The following LINGO2 variants were observed in gnomAD, a reference collection of about 807,000 sequenced individuals.
The protein encoded by LINGO2 is leucine rich repeat and Ig domain containing 2.
A neutral mutation model predicts 30.6 loss-of-function variants in LINGO2; 14 were observed. That is an observed-to-expected ratio of 0.46 (90% confidence interval 0.30 to 0.72). The LOEUF (loss-of-function observed/expected upper bound fraction) is 0.72, where lower values mean the gene tolerates loss of function less well. LINGO2 is among the 30% of genes least tolerant of loss of function. The pLI is 0.07. For missense variants in LINGO2, 729 were observed against 751.7 expected (o/e 0.97, Z 0.35); for synonymous variants, 317 against 288.5 (o/e 1.10, Z -1.00).
chr9:28,935,684 T>C, the LINGO2 span, among the ~76,000 whole-genome samples: 8 of 125,990 alleles, frequency 6.3e-5, no homozygotes, highest in African/African-American at 2.3e-4. Context: ...ATAAGAGGAT[T>C]AAATATAATG....
chr9:28,877,561 T>C, the LINGO2 span, among the ~76,000 whole-genome samples: 2 of 152,064 alleles, frequency 1.3e-5, no homozygotes, highest in Non-Finnish European at 2.9e-5. Flanking sequence ...CAGATAGTTG[T>C]AGATATGCAG....
At chr9:29,122,929 A>C in the LINGO2 span, among the ~76,000 whole-genome samples, 1 of 152,278 alleles carries the variant, frequency 6.6e-6, no homozygotes, top group Non-Finnish European at 1.5e-5. Context: ...TCAAACTTAA[A>C]GATACATACA....
rs913129591 is a variant in LINGO2, at chr9:28,038,494, C to T, written c.-86-26089G>A. ...GGATCACGAGGTCAGGAGATCGAGA[C>T]CATCCCGGCTAAAACGGTGAAACCC... On this transcript the variant is annotated intron_variant, in intron 4 of 5. Transcript: ENST00000379992. Among the ~76,000 whole-genome samples the T allele has an allele frequency of 3.9e-5, 6 of 152,014 alleles. No individual in the cohort carries two copies. In the East Asian group the frequency reaches 7.7e-4, roughly 20 times the overall value.
chr9:28,301,520 G>C (rs930096006), intron 3 of LINGO2, among the ~76,000 whole-genome samples: 2 of 152,174 alleles, frequency 1.3e-5, no homozygotes, highest in African/African-American at 4.8e-5. Context: ...ACCATGTCTA[G>C]AGTGAGACTG....
chr9:29,021,045 A>G, the LINGO2 span, among the ~76,000 whole-genome samples: 1 of 152,194 alleles, frequency 6.6e-6, no homozygotes, highest in East Asian at 1.9e-4. Flanking sequence ...TACCTTAGCT[A>G]TGTACATTGA....
intron 5 of LINGO2, among the ~76,000 whole-genome samples, chr9:27,997,832 A>C (rs1821744315): frequency 6.6e-6 from 1 of 152,116 alleles, no homozygotes; most frequent in Non-Finnish European, 1.5e-5. Flanking sequence ...TCCAGCCACC[A>C]AGCAAATTAT....
chr9:28,469,347 G>A (rs2135161100), intron 2 of LINGO2, among the ~76,000 whole-genome samples: 1 of 151,860 alleles, frequency 6.6e-6, no homozygotes, highest in South Asian at 2.1e-4. Flanking sequence ...ACAGACTGCT[G>A]TACACATTAT....
chr9:29,085,470 A>G, the LINGO2 span, among the ~76,000 whole-genome samples: 1 of 152,016 alleles, frequency 6.6e-6, no homozygotes, highest in Non-Finnish European at 1.5e-5. Context: ...AATCCTATGA[A>G]ATAGTTATCA....
the LINGO2 span, among the ~76,000 whole-genome samples, chr9:28,901,947 T>G: frequency 6.6e-6 from 1 of 152,154 alleles, no homozygotes; most frequent in African/African-American, 2.4e-5. Flanking sequence ...TCCAGTATTT[T>G]GGGAGGCCAA....
chr9:28,771,179 G>A, the LINGO2 span, among the ~76,000 whole-genome samples: 9 of 151,922 alleles, frequency 5.9e-5, no homozygotes, highest in East Asian at 1.9e-4. Flanking sequence ...TAGGTCAGTC[G>A]TAAGATCCCA....
chr9:28,633,142 G>A (rs1044672486), intron 1 of LINGO2, among the ~76,000 whole-genome samples: 4 of 151,698 alleles, frequency 2.6e-5, no homozygotes, highest in Non-Finnish European at 4.4e-5. Flanking sequence ...TTATTCTCTG[G>A]AAGCTGACTA....
the LINGO2 span, among the ~76,000 whole-genome samples, chr9:29,004,332 A>C: frequency 4.2e-4 from 64 of 152,114 alleles, no homozygotes; most frequent in Non-Finnish European, 7.4e-4. Flanking sequence ...ACGTATCAAA[A>C]TGCAGACTTC....
intron 1 of LINGO2, among the ~76,000 whole-genome samples, chr9:28,648,668 C>A (rs757393598): frequency 1.9e-4 from 29 of 152,094 alleles, no homozygotes; most frequent in Non-Finnish European, 3.2e-4. Flanking sequence ...CTCTTTCTCA[C>A]AGTGGAGTAG....
chr9:28,822,655 G>A, the LINGO2 span, among the ~76,000 whole-genome samples: 1 of 152,096 alleles, frequency 6.6e-6, no homozygotes, highest in Admixed American at 6.6e-5. Context: ...CTCCTGTGCT[G>A]GATGCTTCCT....
chr9:28,486,165 G>T lies in LINGO2; in HGVS notation c.-364-10140C>A, dbSNP rs16913186. Among the ~76,000 whole-genome samples, 788 of 152,184 alleles carry T rather than the reference G, an allele frequency of 5.2e-3. 38 individuals are homozygous for T. In the East Asian group the frequency reaches 0.094, roughly 18 times the overall value. On this transcript the variant is annotated intron_variant, in intron 1 of 5. Transcript: ENST00000379992. ...CTAATGCTGATTTGAAATCCAGCAC[G>T]TCCAGACTACTGAGTGTTGTTCACT... is the stretch of plus-strand genomic sequence containing the variant.
intron 2 of LINGO2, among the ~76,000 whole-genome samples, chr9:28,400,174 C>T (rs1002406): frequency 0.35 from 53,158 of 151,968 alleles, 9,718 homozygotes; most frequent in Middle Eastern, 0.47. Flanking sequence ...TACAATTATA[C>T]CTTTGCACTA....
At chr9:28,110,747 C>T (rs543509750) in intron 4 of LINGO2, among the ~76,000 whole-genome samples, 1 of 152,004 alleles carries the variant, frequency 6.6e-6, no homozygotes, top group Admixed American at 6.5e-5. Flanking sequence ...CAAATGGTGG[C>T]AAGGCTGTGG....
chr9:28,562,927 A>G (rs756377290), intron 1 of LINGO2, among the ~76,000 whole-genome samples: 10 of 152,086 alleles, frequency 6.6e-5, no homozygotes, highest in East Asian at 1.9e-4. Context: ...GCTCACTGCA[A>G]ACTCCATCTC....
At chr9:28,971,746 G>A in the LINGO2 span, among the ~76,000 whole-genome samples, 1 of 152,216 alleles carries the variant, frequency 6.6e-6, no homozygotes, top group South Asian at 2.1e-4. Context: ...AAGGACATAG[G>A]CCTGGCCACC....
Sources: allele counts gnomAD v4.1 joint callset (sites outside exome capture counted in the v4.1 genomes callset), GRCh38; gene constraint gnomAD v4.1.1; transcripts MANE v1.5; gene names NCBI Gene and HGNC (gene_info 2026-07-23, HGNC 2026-07-21).